Variants in HMBOX1 observed in about 807,000 individuals in gnomAD.
The protein encoded by HMBOX1 is homeobox-containing protein 1.
In HMBOX1, 14 loss-of-function variants were observed where a neutral mutation model predicts 54.5. That is an observed-to-expected ratio of 0.26 (90% CI 0.17 to 0.40). HMBOX1 has a LOEUF of 0.40. Among genes scored for constraint, HMBOX1 ranks in the 10% least tolerant of loss-of-function variants. HMBOX1 has a pLI of 1.00. For synonymous variants in HMBOX1, 160 were observed against 181.0 expected (o/e 0.88, Z 0.93); for missense variants, 332 against 514.4 (o/e 0.65, Z 3.43).
chr8:28,995,038 G>A (rs1831585021), intron 4 of HMBOX1, among the ~76,000 whole-genome samples: 1 of 152,092 alleles, frequency 6.6e-6, no homozygotes, highest in African/African-American at 2.4e-5. Context: ...TGAAGCCATA[G>A]CTAGAACCTT....
intron 1 of HMBOX1, 52 bp from the exon 2 acceptor site, chr8:28,963,759 T>C: frequency 1.2e-6 from 1 of 812,032 alleles, no homozygotes; most frequent in Non-Finnish European, 1.9e-6. Context: ...AAATTTTTAT[T>C]CAGCACTTGA....
intron 1 of HMBOX1, among the ~76,000 whole-genome samples, chr8:28,945,617 T>C (rs965950661): frequency 6.6e-6 from 1 of 152,220 alleles, no homozygotes; most frequent in African/African-American, 2.4e-5. Context: ...GTAGGATTTT[T>C]GTATTTTGTT....
In HMBOX1 at chr8:28,970,018, C is replaced by A; in HGVS notation, c.24-25C>A. On this transcript the variant is annotated intron_variant, in intron 2 of 9. Transcript: ENST00000287701. The surrounding 1 kb of genome is among the most constrained non-coding windows in gnomAD (Gnocchi z 4.3). ...TTGGTAGATACTGTCAATAAAGAGA[C>A]TTCTTTTTATCTCTTTTTTTTTAGT... 1 of 1,411,860 alleles carries A rather than the reference C, an allele frequency of 7.1e-7. No individual in the cohort carries two copies. Among genetic ancestry groups the A allele is most frequent in the Non-Finnish European group, 9.9e-7 (1 of 1,007,632 alleles). The allele number at this position is 1,411,860 out of a possible 1,614,324, so 87.5% of individuals were successfully genotyped here. A position where few individuals can be genotyped will look rare whatever the true frequency, so the allele number is the denominator to read the frequency against.
intron 6 of HMBOX1, 45 bp from the exon 7 acceptor site, chr8:29,045,316 G>A: frequency 6.9e-7 from 1 of 1,446,000 alleles, no homozygotes; most frequent in Non-Finnish European, 9.7e-7. Context: ...ATGAGAGTAT[G>A]TTTGAAAAAT....
chr8:28,952,604 G>GA lies in HMBOX1; in HGVS notation c.-57-11197dup, dbSNP rs1020605273. ...TGATTTTTAAAAAGGCTGACTTGTG[G>GA]AAAAAAAAAATTTAATCTTTATCAG... On this transcript the variant is annotated intron_variant, in intron 1 of 9. Transcript: ENST00000287701. Among the ~76,000 whole-genome samples, 30 of 150,046 alleles carry GA rather than the reference G, an allele frequency of 2.0e-4. No homozygotes were observed. The South Asian group carries it at 3.8e-3, about 19-fold the overall frequency.
At chr8:28,894,796 GC>G (rs1658315323) in intron 1 of HMBOX1, among the ~76,000 whole-genome samples, 1 of 152,156 alleles carries the variant, frequency 6.6e-6, no homozygotes, top group Non-Finnish European at 1.5e-5. Flanking sequence ...AGAGCATTTA[GC>G]TCCTGGAAGG....
intron 1 of HMBOX1, among the ~76,000 whole-genome samples, chr8:28,924,187 A>C (rs1286372567): frequency 1.3e-5 from 2 of 151,352 alleles, no homozygotes; most frequent in African/African-American, 2.4e-5. Flanking sequence ...GCTCACTGCA[A>C]GCTCCGCCTC....
intron 1 of HMBOX1, among the ~76,000 whole-genome samples, chr8:28,956,908 A>G (rs1238378669): frequency 6.6e-6 from 1 of 152,250 alleles, no homozygotes; most frequent in Non-Finnish European, 1.5e-5. Context: ...ATCATTAATC[A>G]TCAGTGAAAT....
chr8:28,905,015 A>C (rs1030404028), intron 1 of HMBOX1, among the ~76,000 whole-genome samples: 3 of 152,200 alleles, frequency 2.0e-5, no homozygotes, highest in African/African-American at 4.8e-5. Flanking sequence ...AGTATAATCA[A>C]ATTCCACAGT....
At chr8:28,915,382 C>G (rs1816318003) in intron 1 of HMBOX1, among the ~76,000 whole-genome samples, 1 of 151,568 alleles carries the variant, frequency 6.6e-6, no homozygotes. Context: ...ATGGTGAAAC[C>G]CCGTCTCTAC....
intron 9 of HMBOX1, chr8:29,050,228 A>G (rs912971278): frequency 1.4e-5 from 14 of 984,828 alleles, no homozygotes; most frequent in Non-Finnish European, 1.4e-5. Context: ...AAGCTCTTTG[A>G]TACGGAGTTC....
Position 28,930,758 on chromosome 8 carries a change from A to G in HMBOX1, c.-57-33053A>G, listed in dbSNP as rs148401396. Among the ~76,000 whole-genome samples the G allele has an allele frequency of 2.0e-3, 303 of 152,280 alleles. 1 individual carries two copies. Among genetic ancestry groups the G allele is most frequent in the African/African-American group, 7.1e-3 (294 of 41,558 alleles). Reference sequence around the variant, plus strand: ...CCTTTTTGAAATCTTACTTTTTGAAATCAGAGTCTCAGTGATCATTCACTT... The same window carrying G: ...CCTTTTTGAAATCTTACTTTTTGAAGTCAGAGTCTCAGTGATCATTCACTT... On this transcript the variant is annotated intron_variant, in intron 1 of 9. Transcript: ENST00000287701.
intron 5 of HMBOX1, chr8:29,010,283 G>T (rs896583484): frequency 8.8e-6 from 4 of 456,106 alleles, no homozygotes; most frequent in Non-Finnish European, 1.2e-5. Flanking sequence ...CATTTGGCTG[G>T]GCGCAGTGGC....
chr8:28,955,772 G>A (rs569150781), intron 1 of HMBOX1: 1 of 152,096 alleles, frequency 6.6e-6, no homozygotes, highest in African/African-American at 2.4e-5. Context: ...GGCCAATGTG[G>A]TGAAACCCTG....
At chr8:28,926,323 A>T (rs1818491709) in intron 1 of HMBOX1, among the ~76,000 whole-genome samples, 1 of 151,638 alleles carries the variant, frequency 6.6e-6, no homozygotes, top group South Asian at 2.1e-4. Flanking sequence ...ACACACACAC[A>T]TATATTTTAG....
Position 28,982,054 on chromosome 8 carries a change from G to A in HMBOX1, c.586+1898G>A, listed in dbSNP as rs572645115. ...AGATCAAGACCATCCTGGCTAACAC[G>A]GTGAAACTCTGTCTCTACTAAAAAC... On this transcript the variant is annotated intron_variant, in intron 4 of 9. Transcript: ENST00000287701. Among the ~76,000 whole-genome samples, 21 of 152,112 alleles carry A rather than the reference G, an allele frequency of 1.4e-4. No individual in the cohort carries two copies. In the South Asian group the frequency reaches 1.7e-3, roughly 12 times the overall value.
At chr8:28,929,764 T>G (rs1003037120) in intron 1 of HMBOX1, among the ~76,000 whole-genome samples, 16 of 152,268 alleles carry the variant, frequency 1.1e-4, no homozygotes, top group African/African-American at 3.8e-4. Context: ...AATAAATTTG[T>G]GAGGCCCACT....
At chr8:28,954,890 A>G (rs184867037) in intron 1 of HMBOX1, among the ~76,000 whole-genome samples, 100 of 152,290 alleles carry the variant, frequency 6.6e-4, no homozygotes, top group Admixed American at 6.5e-5. Context: ...TACCTTATAC[A>G]GTAATTACTT....
chr8:29,026,468 T>C (rs1563607593), intron 6 of HMBOX1, among the ~76,000 whole-genome samples: 2 of 152,170 alleles, frequency 1.3e-5, no homozygotes, highest in African/African-American at 2.4e-5. Context: ...TTTGTGAATA[T>C]GCTGAAAACT....
Sources: allele counts gnomAD v4.1 joint callset (sites outside exome capture counted in the v4.1 genomes callset), GRCh38; gene constraint gnomAD v4.1.1; non-coding constraint Gnocchi (gnomAD v3.1); transcripts MANE v1.5; gene names NCBI Gene and HGNC (gene_info 2026-07-23, HGNC 2026-07-21).